FER: variants seen among roughly 807,000 people sequenced by gnomAD.
FER encodes FER tyrosine kinase.
Under a neutral mutation model 111.0 loss-of-function variants are expected in FER, and 63 were observed. That is an observed-to-expected ratio of 0.57 (90% CI 0.46 to 0.70). FER has a LOEUF of 0.70. Among genes scored for constraint, FER ranks in the 30% least tolerant of loss-of-function variants. The pLI is 0.00. For missense variants in FER, 914 were observed against 954.0 expected, an observed-to-expected ratio of 0.96 and a Z score of 0.55; for synonymous variants, 327 against 313.9, an observed-to-expected ratio of 1.04 and a Z score of -0.44.
intron 5 of FER, among the ~76,000 whole-genome samples, chr5:108,847,296 G>T (rs1296962023): frequency 6.6e-6 from 1 of 151,442 alleles, no homozygotes; most frequent in African/African-American, 2.4e-5. Flanking sequence ...GAAGAATGTT[G>T]TCTAGTTTCC....
At chr5:108,819,375 C>G (rs577611077) in intron 3 of FER, among the ~76,000 whole-genome samples, 1 of 152,088 alleles carries the variant, frequency 6.6e-6, no homozygotes, top group South Asian at 2.1e-4. Context: ...CCTTTAGGTT[C>G]CCACACTGCT....
intron 6 of FER, among the ~76,000 whole-genome samples, chr5:108,869,086 C>T (rs1764355902): frequency 6.6e-6 from 1 of 151,972 alleles, no homozygotes; most frequent in Non-Finnish European, 1.5e-5. Flanking sequence ...TAATGGAACA[C>T]TAGTCATAAA....
At chr5:109,037,518 A>T in intron 14 of FER, 40 bp downstream of exon 14, 1 of 1,553,760 alleles carries the variant, frequency 6.4e-7, no homozygotes, top group Non-Finnish European at 8.8e-7. Context: ...AAGTCTCTAT[A>T]TTGATTGTGA....
intron 9 of FER, 91 bp from the exon 10 acceptor site, chr5:108,897,568 T>C: frequency 1.1e-6 from 1 of 951,862 alleles, no homozygotes; most frequent in Non-Finnish European, 1.4e-6. Context: ...CTTATAAAAA[T>C]GAAATCAAAG....
intron 16 of FER, among the ~76,000 whole-genome samples, chr5:109,068,243 G>C (rs1217473486): frequency 1.4e-5 from 2 of 144,592 alleles, no homozygotes; most frequent in African/African-American, 5.0e-5. Flanking sequence ...GAGTGTAGCG[G>C]CACAGAGTCC....
At chr5:109,149,144 T>C (rs1754548638) in intron 17 of FER, among the ~76,000 whole-genome samples, 1 of 152,176 alleles carries the variant, frequency 6.6e-6, no homozygotes, top group Admixed American at 6.5e-5. Context: ...TCTAATCTTA[T>C]GTGAATGTTT....
At chr5:108,811,355 G>T (rs554176708) in intron 3 of FER, among the ~76,000 whole-genome samples, 2 of 152,298 alleles carry the variant, frequency 1.3e-5, no homozygotes, top group South Asian at 4.1e-4. Flanking sequence ...TTTTGCCATG[G>T]ATCTCTTCGT....
At chr5:109,172,520 A>G (rs1436564512) in intron 17 of FER, among the ~76,000 whole-genome samples, 3 of 138,266 alleles carry the variant, frequency 2.2e-5, no homozygotes, top group Non-Finnish European at 4.7e-5. Flanking sequence ...GCATTAGGAG[A>G]TATACCTAAT....
chr5:109,175,479 C>T (rs932850479), intron 17 of FER, among the ~76,000 whole-genome samples: 2 of 152,066 alleles, frequency 1.3e-5, no homozygotes, highest in African/African-American at 4.8e-5. Context: ...AAAATAAGAT[C>T]TGAAACTATA....
At chr5:109,070,309 A>C (rs539331010) in intron 16 of FER, among the ~76,000 whole-genome samples, 2 of 152,144 alleles carry the variant, frequency 1.3e-5, no homozygotes, top group East Asian at 1.9e-4. Flanking sequence ...CTTAAGGTCT[A>C]TCCAGTTCAG....
At chr5:108,953,894 A>G (rs1758083507) in intron 11 of FER, among the ~76,000 whole-genome samples, 1 of 152,120 alleles carries the variant, frequency 6.6e-6, no homozygotes, top group Non-Finnish European at 1.5e-5. Context: ...CATAAAAACA[A>G]CAACAACAAC....
Position 109,032,010 on chromosome 5 carries a change from A to G in FER, c.1657-5412A>G, listed in dbSNP as rs544496936. ...ATGCAATGTATGGAGCATAACTACC[A>G]TTTTACATGAGTCTAATGGAATATA... On this transcript the variant is annotated intron_variant, in intron 13 of 19. Transcript: ENST00000281092. Among the ~76,000 whole-genome samples the G allele has an allele frequency of 8.5e-5, 13 of 152,290 alleles. No homozygotes were observed. In the East Asian group the frequency reaches 1.7e-3, roughly 20 times the overall value.
chr5:108,816,520 A>C (rs937510168), intron 3 of FER, among the ~76,000 whole-genome samples: 1 of 152,206 alleles, frequency 6.6e-6, no homozygotes, highest in Non-Finnish European at 1.5e-5. Context: ...ATATGTGTAA[A>C]ACTATGCAAA....
At chr5:108,849,349 T>C (rs778876297) in intron 5 of FER, among the ~76,000 whole-genome samples, 4 of 152,164 alleles carry the variant, frequency 2.6e-5, no homozygotes, top group Non-Finnish European at 5.9e-5. Flanking sequence ...TTTCCCCTTG[T>C]CTTTTTTTTG....
At chr5:109,088,211 C>G (rs1358965466) in intron 16 of FER, among the ~76,000 whole-genome samples, 2 of 151,992 alleles carry the variant, frequency 1.3e-5, no homozygotes, top group Admixed American at 6.6e-5. Context: ...TTCCCATTTG[C>G]ATTGTTTCTT....
At chr5:108,870,313 A>T (rs1036461307) in intron 6 of FER, among the ~76,000 whole-genome samples, 5 of 152,116 alleles carry the variant, frequency 3.3e-5, no homozygotes, top group African/African-American at 7.2e-5. Context: ...GTAAATGTTA[A>T]TGATCTCCAC....
At chr5:108,845,019 T>TATATATATATATATATAC (rs1561502895) in intron 5 of FER, among the ~76,000 whole-genome samples, 11 of 51,556 alleles carry the variant, frequency 2.1e-4, no homozygotes, top group Non-Finnish European at 3.8e-4. Context: ...TATATATATA[T>TATATATATATATATATAC]ATATATATAT....
chr5:108,993,307 C>A (rs1763506659), intron 13 of FER, among the ~76,000 whole-genome samples: 1 of 152,368 alleles, frequency 6.6e-6, no homozygotes, highest in African/African-American at 2.4e-5. Flanking sequence ...GAGGCCGAGG[C>A]TGGCGGATCA....
intron 17 of FER, among the ~76,000 whole-genome samples, chr5:109,169,318 A>T (rs1330856287): frequency 6.6e-6 from 1 of 152,218 alleles, no homozygotes; most frequent in Non-Finnish European, 1.5e-5. Context: ...AAGAAAATAT[A>T]TAGAGACAGA....
Sources: gnomAD v4.1 joint callset for allele counts (sites outside exome capture counted in the v4.1 genomes callset) on GRCh38, gnomAD v4.1.1 for gene constraint, MANE v1.5 for transcripts, NCBI Gene and HGNC (gene_info 2026-07-23, HGNC 2026-07-21) for gene names.